Variants in KPNA1 observed in about 807,000 individuals in gnomAD.
The protein encoded by KPNA1 is importin subunit alpha-5.
Under a neutral mutation model 70.5 loss-of-function variants are expected in KPNA1, and 10 were observed. The observed-to-expected ratio is 0.14, with a 90% CI of 0.09 to 0.24. The LOEUF is 0.24. Ranked by LOEUF, KPNA1 falls within the 10% of genes least tolerant of loss-of-function variation. KPNA1 has a pLI of 1.00. For missense variants in KPNA1, 397 were observed against 637.9 expected, an observed-to-expected ratio of 0.62 and a Z score of 4.07; for synonymous variants, 192 against 221.9, an observed-to-expected ratio of 0.87 and a Z score of 1.20.
intron 12 of KPNA1, among the ~76,000 whole-genome samples, chr3:122,430,814 C>G (rs2075894926): frequency 6.6e-6 from 1 of 152,086 alleles, no homozygotes; most frequent in Admixed American, 6.6e-5. Context: ...AGACACAGGC[C>G]TTACTTTGTG....
At chr3:122,459,605 G>A (rs2076300130) in intron 5 of KPNA1, 2 of 985,280 alleles carry the variant, frequency 2.0e-6, no homozygotes, top group African/African-American at 3.5e-5. Context: ...CTTGCTCTCA[G>A]GGTGAACGTG....
intron 6 of KPNA1, 142 bp from the exon 7 acceptor site, chr3:122,452,206 T>C (rs1000470209): frequency 5.5e-6 from 4 of 725,084 alleles, no homozygotes; most frequent in South Asian, 4.7e-5. Flanking sequence ...ATAAATAATA[T>C]CCTAAAGTGT....
rs548496318 is a variant in KPNA1 at position 122,476,669 on chromosome 3, C to T, written c.130-9240G>A. On this transcript the variant is annotated intron_variant, in intron 2 of 13. Coordinates refer to ENST00000344337, the MANE Select transcript of KPNA1 (RefSeq NM_002264.4). ...AATAAGTATATGAAAAAAATGCTCA[C>T]CATCACTCATCACCAGGGAAATACA... Among the ~76,000 whole-genome samples, 172 of 151,734 alleles carry T rather than the reference C, an allele frequency of 1.1e-3. 1 individual carries two copies. The highest frequency in any genetic ancestry group is 4.0e-3 in the African/African-American group (167 of 41,394).
chr3:122,475,314 C>T (rs2076485092), intron 2 of KPNA1, among the ~76,000 whole-genome samples: 1 of 151,962 alleles, frequency 6.6e-6, no homozygotes, highest in African/African-American at 2.4e-5. Flanking sequence ...AGGTGAAAGA[C>T]CTGTACATTA....
intron 11 of KPNA1, 99 bp downstream of exon 11, chr3:122,437,071 C>T: frequency 2.4e-6 from 3 of 1,259,008 alleles, no homozygotes; most frequent in Non-Finnish European, 3.3e-6. Context: ...GGAGCCACCG[C>T]ACCCAGCCAA....
chr3:122,506,071 A>C (rs1040413817), intron 1 of KPNA1, among the ~76,000 whole-genome samples: 8 of 152,174 alleles, frequency 5.3e-5, no homozygotes, highest in African/African-American at 1.9e-4. Flanking sequence ...ATTCTCCACC[A>C]CTCTAAACCC....
At chr3:122,479,783 C>A (rs181760553) in intron 2 of KPNA1, among the ~76,000 whole-genome samples, 3 of 151,990 alleles carry the variant, frequency 2.0e-5, no homozygotes, top group Non-Finnish European at 4.4e-5. Context: ...AAAATTAACT[C>A]TTCCATAGGA....
chr3:122,436,593 T>C (rs1231666184), intron 11 of KPNA1, among the ~76,000 whole-genome samples: 1 of 152,198 alleles, frequency 6.6e-6, no homozygotes, highest in African/African-American at 2.4e-5. Context: ...CTGGAGGTGG[T>C]TCCCCTGATA....
rs556236878 is a variant in KPNA1, at chr3:122,425,767, T to A, written c.*1218A>T. On this transcript the variant is annotated 3_prime_UTR_variant, in exon 14 of 14. Transcript: ENST00000344337. Reference sequence around the variant, plus strand: ...ACTAGCAGGAGATGAAATAAAATGATTAGGAAACAATGAGGTTATAAGATC... The same window carrying A: ...ACTAGCAGGAGATGAAATAAAATGAATAGGAAACAATGAGGTTATAAGATC... 5 of 152,686 alleles carry A rather than the reference T, an allele frequency of 3.3e-5. No homozygotes were observed. Among genetic ancestry groups the A allele is most frequent in the African/African-American group, 1.2e-4 (5 of 41,548 alleles). 9.5% of individuals were successfully genotyped at this position (152,686 alleles called of 1,614,324 possible).
At chr3:122,437,526 C>A (rs1335538898) in intron 10 of KPNA1, among the ~76,000 whole-genome samples, 1 of 152,164 alleles carries the variant, frequency 6.6e-6, no homozygotes, top group Non-Finnish European at 1.5e-5. Context: ...TAATAAGATA[C>A]AATAATGTTA....
At position 122,426,948 on chromosome 3, in the gene KPNA1, C is replaced by G. The variant is rs769282869; in HGVS notation, c.*37G>C. Reference sequence around the variant, plus strand: ...CCACAAGAGGACTCGACTGGGTAGCCTGGTCTGACACAGGTACGTGAAAGC... The same window carrying G: ...CCACAAGAGGACTCGACTGGGTAGCGTGGTCTGACACAGGTACGTGAAAGC... On this transcript the variant is annotated 3_prime_UTR_variant, in exon 14 of 14. Coordinates refer to ENST00000344337, the MANE Select transcript of KPNA1 (RefSeq NM_002264.4). 59 of 1,572,060 alleles carry G rather than the reference C, an allele frequency of 3.8e-5. No homozygotes were observed. Among genetic ancestry groups the G allele is most frequent in the Non-Finnish European group, 5.1e-5 (58 of 1,144,160 alleles).
At chr3:122,511,434 G>A (rs561857912) in intron 1 of KPNA1, among the ~76,000 whole-genome samples, 31 of 152,268 alleles carry the variant, frequency 2.0e-4, no homozygotes, top group African/African-American at 6.7e-4. Context: ...TTCAAGAACT[G>A]TCCCAATTAG....
At chr3:122,484,974 T>C (rs1053908081) in intron 2 of KPNA1, among the ~76,000 whole-genome samples, 3 of 152,232 alleles carry the variant, frequency 2.0e-5, no homozygotes, top group Admixed American at 1.3e-4. Flanking sequence ...CATACCTCAT[T>C]GCTGCCTCGA....
Position 122,509,723 on chromosome 3 carries a change from G to A in KPNA1, c.-6+5034C>T, listed in dbSNP as rs2076935286. Among the ~76,000 whole-genome samples, 3 of 152,078 alleles carry A rather than the reference G, an allele frequency of 2.0e-5. 1 individual carries two copies. In the South Asian group the frequency reaches 6.2e-4, roughly 32 times the overall value. On this transcript the variant is annotated intron_variant, in intron 1 of 13. Transcript: ENST00000344337. ...TTATACAAAGAGGTAACAGAAGTAG[G>A]GCTCAGAAATTTAAGATAAAAATTT...
intron 1 of KPNA1, among the ~76,000 whole-genome samples, chr3:122,500,735 C>G (rs374837482): frequency 6.6e-6 from 1 of 152,030 alleles, no homozygotes; most frequent in Non-Finnish European, 1.5e-5. Context: ...AACTCCTGGG[C>G]TCAAGTGATC....
chr3:122,456,253 T>C (rs1323955920), intron 5 of KPNA1, among the ~76,000 whole-genome samples: 1 of 152,200 alleles, frequency 6.6e-6, no homozygotes, highest in African/African-American at 2.4e-5. Flanking sequence ...AGTCATATGA[T>C]GTAAGTATAA....
intron 3 of KPNA1, among the ~76,000 whole-genome samples, chr3:122,466,892 T>C (rs572545902): frequency 7.9e-5 from 12 of 151,922 alleles, no homozygotes; most frequent in Non-Finnish European, 1.6e-4. Context: ...TCCCAGCTAT[T>C]TGGGAGGCTA....
At chr3:122,443,180 C>A (rs532507236) in intron 9 of KPNA1, 1 of 152,392 alleles carries the variant, frequency 6.6e-6, no homozygotes, top group African/African-American at 2.4e-5. Flanking sequence ...GGGTCCCATG[C>A]CCATGCAGCC....
At chr3:122,463,016 G>A (rs1185327217) in intron 4 of KPNA1, among the ~76,000 whole-genome samples, 3 of 151,796 alleles carry the variant, frequency 2.0e-5, no homozygotes, top group Admixed American at 6.6e-5. Flanking sequence ...ATAGGATATC[G>A]AGATCATCCT....
Sources: gnomAD v4.1 joint callset for allele counts (sites outside exome capture counted in the v4.1 genomes callset) on GRCh38, gnomAD v4.1.1 for gene constraint, MANE v1.5 for transcripts, NCBI Gene and HGNC (gene_info 2026-07-23, HGNC 2026-07-21) for gene names.